Variants in RPF2 observed in about 807,000 individuals in gnomAD.
RPF2 encodes the protein ribosome production factor 2 homolog.
In RPF2, 21 loss-of-function variants were observed where a neutral mutation model predicts 38.9. That is an observed-to-expected ratio of 0.54 (90% CI 0.38 to 0.78). RPF2 has a LOEUF of 0.78. Among genes scored for constraint, RPF2 ranks in the 30% least tolerant of loss-of-function variants. RPF2 has a pLI of 0.00. For missense variants in RPF2, 314 were observed against 358.1 expected (o/e 0.88, Z 0.99); for synonymous variants, 121 against 126.2 (o/e 0.96, Z 0.28).
intron 7 of RPF2, 62 bp downstream of exon 7, chr6:111,008,199 TG>T: frequency 6.7e-7 from 1 of 1,488,544 alleles, no homozygotes; most frequent in South Asian, 1.5e-5. Context: ...AGACTCTCAC[TG>T]GTGGCACTTT....
intron 3 of RPF2, among the ~76,000 whole-genome samples, chr6:110,989,627 G>GTT (rs56989879): frequency 9.7e-5 from 12 of 123,318 alleles, no homozygotes; most frequent in Admixed American, 1.6e-4. Context: ...TTTTTGTGTG[G>GTT]TTTTTTTTTT....
chr6:110,984,436 G>C (rs2114285174), intron 1 of RPF2, among the ~76,000 whole-genome samples: 1 of 152,162 alleles, frequency 6.6e-6, no homozygotes, highest in Non-Finnish European at 1.5e-5. Flanking sequence ...ATTGGAAAGA[G>C]CAGTAATAAA....
chr6:111,015,034 T>C (rs987825027), intron 7 of RPF2, among the ~76,000 whole-genome samples: 1 of 152,174 alleles, frequency 6.6e-6, no homozygotes, highest in Non-Finnish European at 1.5e-5. Context: ...CGCCTCAGTC[T>C]CCCAAAGTGC....
chr6:111,019,917 C>CTTTTTTTTT (rs763096502), intron 8 of RPF2, among the ~76,000 whole-genome samples: 1 of 148,958 alleles, frequency 6.7e-6, no homozygotes, highest in African/African-American at 2.5e-5. Context: ...TCTTTTCTTT[C>CTTTTTTTTT]TTTTGTTTTT....
In RPF2 at chr6:111,016,169, A is replaced by C. The variant is rs529038876; in HGVS notation, c.596+313A>C. Among the ~76,000 whole-genome samples the C allele has an allele frequency of 2.6e-5, 4 of 152,338 alleles. No individual in the cohort carries two copies. The South Asian group carries it at 8.3e-4, about 32-fold the overall frequency. On this transcript the variant is annotated intron_variant, in intron 8 of 9. Transcript: ENST00000441448. ...AGCACTAAGCCACAAATCCTTGGCT[A>C]GGCAAAGCAAATCTCAAAACCCTAA...
rs966181023 is a variant in RPF2, at chr6:110,997,188, C to A, written c.240C>A (p.Phe80Leu). Residue 80 changes from phenylalanine to leucine, a missense_variant, in exon 5 of 10, where the codon TTC becomes TTA. Physicochemically the swap from Phe to Leu is conservative, Grantham distance 22. Transcript: ENST00000441448. Reference sequence around the variant, plus strand: ...GGATTTATTTGGTTTTATAGGAATTCTTTTCAAAGAAGTCAGATTGTTCTT... The same window carrying A: ...GGATTTATTTGGTTTTATAGGAATTATTTTCAAAGAAGTCAGATTGTTCTT... Reference protein sequence around the residue: ...RPFEDQTSLEFFSKKSDCSLF... With the variant: ...RPFEDQTSLELFSKKSDCSLF... 1.3e-6 allele frequency: 2 copies of A among 1,585,894 alleles called. No homozygotes were observed. The highest frequency in any genetic ancestry group is 1.7e-6 in the Non-Finnish European group (2 of 1,156,674).
intron 2 of RPF2, among the ~76,000 whole-genome samples, chr6:110,987,333 A>G (rs1771541496): frequency 6.6e-6 from 1 of 152,176 alleles, no homozygotes; most frequent in African/African-American, 2.4e-5. Context: ...TGCTGAGATT[A>G]CAGGAGTGAG....
chr6:110,989,305 A>G (rs1357951697), intron 3 of RPF2, among the ~76,000 whole-genome samples: 1 of 152,178 alleles, frequency 6.6e-6, no homozygotes, highest in African/African-American at 2.4e-5. Flanking sequence ...GAAAAGTGCA[A>G]AAATAATGCA....
chr6:111,009,464 A>T (rs1015898040), intron 7 of RPF2, among the ~76,000 whole-genome samples: 1 of 151,710 alleles, frequency 6.6e-6, no homozygotes, highest in Admixed American at 6.6e-5. Flanking sequence ...AAATGCTGGG[A>T]TTACAGGCAT....
intron 5 of RPF2, among the ~76,000 whole-genome samples, chr6:110,999,096 G>A (rs572490147): frequency 6.6e-6 from 1 of 152,078 alleles, no homozygotes; most frequent in Non-Finnish European, 1.5e-5. Flanking sequence ...TTTTCCTTCT[G>A]TCTCTGTCGG....
At position 111,006,650 on chromosome 6, in the gene RPF2, C is replaced by G. The variant is rs574665930; in HGVS notation, c.394-1388C>G. On this transcript the variant is annotated intron_variant, in intron 6 of 9. Coordinates refer to ENST00000441448, the MANE Select transcript of RPF2 (RefSeq NM_032194.3). ...TGAGACAAGGTCTTACTCTGTCACC[C>G]AGGCTGGAGTACAGTGGCACGATCA... is the stretch of plus-strand genomic sequence containing the variant. Among the ~76,000 whole-genome samples the G allele has an allele frequency of 2.0e-4, 30 of 152,268 alleles. 1 individual carries two copies. In the South Asian group the frequency reaches 4.1e-3, roughly 21 times the overall value.
chr6:110,991,772 G>T lies in RPF2; in HGVS notation c.220G>T (p.Asp74Tyr). 1 of 1,232,562 alleles carries T rather than the reference G, an allele frequency of 8.1e-7. No homozygotes were observed. The highest frequency in any genetic ancestry group is 1.5e-5 in the South Asian group (1 of 66,214). The allele number at this position is 1,232,562 out of a possible 1,614,324, so 76.4% of individuals were successfully genotyped here. ...GAAAAATATTACAAGACCTTTTGAG[G>T]ATCAGACATCACTGGTAAGTATAAT... ...KKKNITRPFEDQTSLEFFSKK... is the reference protein window; with the variant it reads ...KKKNITRPFEYQTSLEFFSKK... Residue 74 changes from aspartate (D) to tyrosine (Y), a missense_variant, in exon 4 of 10, where the codon GAT becomes TAT. Physicochemically the swap from Asp to Tyr is radical, Grantham distance 160 (BLOSUM62 -3). Coordinates refer to ENST00000441448, the MANE Select transcript of RPF2 (RefSeq NM_032194.3).
chr6:111,022,237 C>G (rs1772246801), intron 8 of RPF2, among the ~76,000 whole-genome samples: 1 of 152,090 alleles, frequency 6.6e-6, no homozygotes, highest in Admixed American at 6.5e-5. Context: ...GACTTTCAGC[C>G]AGAGAAGTGT....
intron 4 of RPF2, among the ~76,000 whole-genome samples, chr6:110,993,564 T>C (rs1007568987): frequency 2.0e-5 from 3 of 152,220 alleles, no homozygotes; most frequent in African/African-American, 7.2e-5. Flanking sequence ...GGCCTGGTTT[T>C]GTTTTTGTGA....
At chr6:110,997,411 G>A (rs1335946583) in intron 5 of RPF2, 147 bp downstream of exon 5, 8 of 584,940 alleles carry the variant, frequency 1.4e-5, no homozygotes, top group Non-Finnish European at 2.1e-5. Flanking sequence ...AGAGACTGAG[G>A]GAAGTATTTG....
chr6:111,027,529 T>A lies in RPF2; in HGVS notation c.*1947T>A, dbSNP rs1772354373. 11 of 152,162 alleles carry A rather than the reference T, an allele frequency of 7.2e-5. No homozygotes were observed. 9.4% of individuals were successfully genotyped at this position (152,162 alleles called of 1,614,324 possible). The stretch of plus-strand genomic sequence containing the variant: ...TGGTAGGAGGCAAAGCAGTGGGTCC[T>A]CCTCACCAGCCGCTTACGGGACCCT... On this transcript the variant is annotated 3_prime_UTR_variant, in exon 10 of 10. Coordinates refer to ENST00000441448, the MANE Select transcript of RPF2 (RefSeq NM_032194.3).
At chr6:110,999,884 A>G in intron 6 of RPF2, 97 bp downstream of exon 6, 1 of 655,776 alleles carries the variant, frequency 1.5e-6, no homozygotes, top group Non-Finnish European at 2.7e-6. Flanking sequence ...TTTGTAGATC[A>G]AGAACTTTGT....
chr6:110,989,492 C>T (rs1771581640), intron 3 of RPF2, among the ~76,000 whole-genome samples: 1 of 152,164 alleles, frequency 6.6e-6, no homozygotes, highest in Non-Finnish European at 1.5e-5. Context: ...CCTGTTGTCG[C>T]CCGGCTGGAG....
rs903674669 is a variant in RPF2 at position 111,025,268 on chromosome 6, A to T, written c.742-135A>T. On this transcript the variant is annotated intron_variant, in intron 9 of 9. Coordinates refer to ENST00000441448, the MANE Select transcript of RPF2 (RefSeq NM_032194.3). Reference sequence around the variant, plus strand: ...CACTTAAGTTTGAGAAGAAAAGTGTATAGGGCTATATACTGTGTCACTGAA... The same window carrying T: ...CACTTAAGTTTGAGAAGAAAAGTGTTTAGGGCTATATACTGTGTCACTGAA... 5.3e-6 allele frequency: 3 copies of T among 561,132 alleles called. No homozygotes were observed. In the African/African-American group the frequency reaches 5.6e-5, roughly 11 times the overall value. The allele number at this position is 561,132 out of a possible 1,614,324, so 34.8% of individuals were successfully genotyped here.
Sources: allele counts gnomAD v4.1 joint callset (sites outside exome capture counted in the v4.1 genomes callset), GRCh38; gene constraint gnomAD v4.1.1; transcripts MANE v1.5; gene names NCBI Gene and HGNC (gene_info 2026-07-23, HGNC 2026-07-21).